Variants in PDXDC1 observed in about 807,000 individuals in gnomAD.
PDXDC1 encodes the protein pyridoxal-dependent decarboxylase domain-containing protein 1.
In PDXDC1, 42 loss-of-function variants were observed where a neutral mutation model predicts 100.1. The observed-to-expected ratio is 0.42, with a 90% CI of 0.33 to 0.54. The LOEUF (loss-of-function observed/expected upper bound fraction) is 0.54, where lower values mean the gene tolerates loss of function less well. PDXDC1 is among the 20% of genes least tolerant of loss of function. The probability of loss-of-function intolerance (pLI) is 0.10; values close to 1 mark genes in which losing one functional copy is unlikely to be tolerated. For missense variants in PDXDC1, 636 were observed against 979.2 expected, an observed-to-expected ratio of 0.65 and a Z score of 4.68; for synonymous variants, 260 against 371.7, an observed-to-expected ratio of 0.70 and a Z score of 3.46.
chr16:15,040,136 T>C (rs968595569), downstream of PDXDC1: 1 of 799,834 alleles, frequency 1.3e-6, no homozygotes, highest in Non-Finnish European at 2.1e-6. Context: ...AGTCTTACAT[T>C]TCTACCACCA....
At chr16:15,133,724 C>T in intron 16 of PDXDC1, 2 of 1,605,010 alleles carry the variant, frequency 1.2e-6, no homozygotes, top group South Asian at 1.1e-5. Flanking sequence ...GTCCCCATGG[C>T]ATCACGGGAG....
intron 16 of PDXDC1, among the ~76,000 whole-genome samples, chr16:15,043,445 G>C (rs1234965695): frequency 1.3e-5 from 2 of 152,238 alleles, no homozygotes; most frequent in African/African-American, 4.8e-5. Context: ...GGGAGGCTGA[G>C]GAGGGAGGAT....
chr16:14,982,689 G>A (rs1353279848), intron 1 of PDXDC1, among the ~76,000 whole-genome samples: 1 of 152,292 alleles, frequency 6.6e-6, no homozygotes, highest in Non-Finnish European at 1.5e-5. Context: ...CACTGTATCA[G>A]CTTGGAGGAT....
chr16:15,098,601 G>A (rs1358938433), intron 16 of PDXDC1, among the ~76,000 whole-genome samples: 1 of 151,936 alleles, frequency 6.6e-6, no homozygotes, highest in Non-Finnish European at 1.5e-5. Flanking sequence ...CTTCTTGGCC[G>A]GGCATGGTGG....
chr16:15,000,435 C>T (rs1341209760), intron 3 of PDXDC1, among the ~76,000 whole-genome samples: 1 of 152,298 alleles, frequency 6.6e-6, no homozygotes, highest in African/African-American at 2.4e-5. Flanking sequence ...CTGATCTCTA[C>T]AGTGTCCAAG....
chr16:15,009,919 G>A (rs1358278472), intron 8 of PDXDC1, among the ~76,000 whole-genome samples, 160 bp downstream of exon 8: 3 of 152,290 alleles, frequency 2.0e-5, no homozygotes, highest in East Asian at 1.9e-4. Context: ...AGGTTGGCTC[G>A]TTAGATTTTT....
intron 16 of PDXDC1, chr16:15,131,350 C>T: frequency 1.9e-6 from 3 of 1,563,448 alleles, no homozygotes; most frequent in South Asian, 2.2e-5. Context: ...GGTGTAGTTG[C>T]TGATATAGCC....
chr16:15,132,735 G>A (rs1373797203), intron 16 of PDXDC1: 2 of 1,092,888 alleles, frequency 1.8e-6, no homozygotes, highest in African/African-American at 3.1e-5. Flanking sequence ...CACTGGGCCA[G>A]CGCAGCAGCG....
intron 7 of PDXDC1, 184 bp from the exon 8 acceptor site, chr16:15,009,497 A>C: frequency 9.5e-7 from 1 of 1,055,412 alleles, no homozygotes; most frequent in Non-Finnish European, 1.3e-6. Flanking sequence ...TGATTTTTCT[A>C]GTCTTCAAGG....
intron 9 of PDXDC1, among the ~76,000 whole-genome samples, 175 bp from the exon 10 acceptor site, chr16:15,016,945 C>T (rs2041837449): frequency 6.6e-6 from 1 of 152,286 alleles, no homozygotes; most frequent in Admixed American, 6.5e-5. Context: ...AGTGCATTTT[C>T]AGGATTTTCC....
the PDXDC1 span, among the ~76,000 whole-genome samples, chr16:15,144,780 G>C: frequency 1.1e-4 from 17 of 152,260 alleles, no homozygotes; most frequent in South Asian, 3.5e-3. Flanking sequence ...GGGAGTCTGC[G>C]ATGTCCTTGC....
At chr16:15,128,429 G>C in intron 16 of PDXDC1, 1 of 1,187,734 alleles carries the variant, frequency 8.4e-7, no homozygotes, top group Non-Finnish European at 1.2e-6. Context: ...TCGGTCTGCT[G>C]CCCAACACGT....
intron 16 of PDXDC1, among the ~76,000 whole-genome samples, chr16:15,066,351 G>C (rs926329246): frequency 6.6e-6 from 1 of 152,122 alleles, no homozygotes; most frequent in South Asian, 2.1e-4. Context: ...TAACACAGCC[G>C]GCTGGGCACG....
chr16:14,975,757 A>T, intron 1 of PDXDC1: 1 of 879,008 alleles, frequency 1.1e-6, no homozygotes, highest in Non-Finnish European at 1.4e-6. Context: ...CCGGGGTCAG[A>T]ACCTCTGGGG....
In PDXDC1 at chr16:15,036,575, C is replaced by T. The variant is rs1355127930; in HGVS notation, c.*300C>T. On this transcript the variant is annotated 3_prime_UTR_variant, in exon 23 of 23. Transcript: ENST00000396410. ...CAAGTGTCTACCAGTAGCACCCTTG[C>T]TCTTTCTAAACATAAGCCTAAGTAT... is the stretch of plus-strand genomic sequence containing the variant. The T allele has an allele frequency of 7.0e-6, 3 of 427,544 alleles. No individual in the cohort carries two copies. The highest frequency in any genetic ancestry group is 4.1e-5 in the Admixed American group (1 of 24,280). 26.5% of individuals were successfully genotyped at this position (427,544 alleles called of 1,614,324 possible).
chr16:15,004,670 AC>A (rs1973888373), intron 5 of PDXDC1, among the ~76,000 whole-genome samples: 1 of 152,244 alleles, frequency 6.6e-6, no homozygotes, highest in Non-Finnish European at 1.5e-5. Context: ...GGATTCAAAT[AC>A]AGTTGTCCCT....
intron 12 of PDXDC1, among the ~76,000 whole-genome samples, chr16:15,022,177 C>T (rs1172692433): frequency 6.6e-6 from 1 of 152,298 alleles, no homozygotes; most frequent in Non-Finnish European, 1.5e-5. Context: ...TCCTGTATTG[C>T]ATATCAACTC....
intron 16 of PDXDC1, chr16:15,136,267 G>A (rs2048343274): frequency 4.9e-6 from 3 of 615,398 alleles, no homozygotes; most frequent in South Asian, 3.9e-5. Context: ...GGAGAGCAGG[G>A]CCCACCACCC....
chr16:15,035,313 C>T (rs1213050614), intron 21 of PDXDC1, 136 bp from the exon 22 acceptor site: 4 of 521,018 alleles, frequency 7.7e-6, no homozygotes, highest in African/African-American at 6.0e-5. Flanking sequence ...TCATAAGTGC[C>T]CTTCTCTCCA....
Sources: allele counts gnomAD v4.1 joint callset (sites outside exome capture counted in the v4.1 genomes callset), GRCh38; gene constraint gnomAD v4.1.1; transcripts MANE v1.5; gene names NCBI Gene and HGNC (gene_info 2026-07-23, HGNC 2026-07-21).